The following CAMK2B variants were observed in gnomAD, a reference collection of about 807,000 sequenced individuals.
CAMK2B encodes the protein calcium/calmodulin-dependent protein kinase type II subunit beta.
CAMK2B carries 27 observed loss-of-function variants against 93.7 expected under a neutral mutation model. The ratio of observed to expected loss-of-function variants is 0.29; its 90% CI spans 0.21 to 0.40. The LOEUF is 0.40. Among genes scored for constraint, CAMK2B ranks in the 10% least tolerant of loss-of-function variants. The pLI, the probability that CAMK2B is intolerant of heterozygous loss-of-function variation, is 1.00. For missense variants in CAMK2B, 568 were observed against 895.8 expected (o/e 0.63, Z 4.67); for synonymous variants, 374 against 358.8 (o/e 1.04, Z -0.48).
rs534460303 is a variant in CAMK2B at position 44,261,356 on chromosome 7, GCC to G, written c.220+1647_220+1648del. ...TGGTCCCAGGGGCCATGGAGGAGAT[GCC>G]CCCCGCAGAACCCCCATGGGCAGCT... On this transcript the variant is annotated intron_variant, in intron 3 of 23. Transcript: ENST00000395749. Among the ~76,000 whole-genome samples, 185 of 152,360 alleles carry G rather than the reference GCC, an allele frequency of 1.2e-3. 1 individual carries two copies. The highest frequency in any genetic ancestry group is 4.4e-3 in the African/African-American group (182 of 41,588).
intron 1 of CAMK2B, among the ~76,000 whole-genome samples, chr7:44,299,078 CA>C (rs1274537274): frequency 6.6e-6 from 1 of 152,130 alleles, no homozygotes; most frequent in Non-Finnish European, 1.5e-5. Flanking sequence ...GGGACTCAAA[CA>C]GATACTTGTA....
At chr7:44,303,724 T>A (rs1220794133) in intron 1 of CAMK2B, among the ~76,000 whole-genome samples, 1 of 152,180 alleles carries the variant, frequency 6.6e-6, no homozygotes, top group Non-Finnish European at 1.5e-5. Context: ...AAAAGCACAA[T>A]TCATGAAAGA....
At chr7:44,287,533 C>G (rs1275706509) in intron 1 of CAMK2B, among the ~76,000 whole-genome samples, 3 of 152,168 alleles carry the variant, frequency 2.0e-5, no homozygotes, top group Non-Finnish European at 4.4e-5. Flanking sequence ...AGTGTCAGCC[C>G]TCTTGAGAAG....
intron 2 of CAMK2B, among the ~76,000 whole-genome samples, chr7:44,276,731 G>A (rs1432015394): frequency 1.3e-5 from 2 of 152,196 alleles, no homozygotes; most frequent in East Asian, 3.9e-4. Context: ...TGGGAGGTGA[G>A]CCCCACTTGT....
At chr7:44,319,949 T>C (rs1257936665) in intron 1 of CAMK2B, among the ~76,000 whole-genome samples, 4 of 152,128 alleles carry the variant, frequency 2.6e-5, no homozygotes, top group Admixed American at 2.0e-4. Context: ...TAGATGTGTA[T>C]ATATGTACAC....
intron 4 of CAMK2B, among the ~76,000 whole-genome samples, chr7:44,255,479 C>T (rs1198203780): frequency 5.3e-5 from 8 of 152,162 alleles, no homozygotes; most frequent in Admixed American, 3.3e-4. Flanking sequence ...GAAGCTGTCA[C>T]CCCTGAGAAG....
At chr7:44,272,885 C>T (rs1180490629) in intron 2 of CAMK2B, among the ~76,000 whole-genome samples, 1 of 152,240 alleles carries the variant, frequency 6.6e-6, no homozygotes, top group Non-Finnish European at 1.5e-5. Flanking sequence ...TGCAGCTCAG[C>T]TTTGAAACGG....
At position 44,287,244 on chromosome 7, in the gene CAMK2B, C is replaced by T. The variant is rs534414372; in HGVS notation, c.66-3019G>A. On this transcript the variant is annotated intron_variant, in intron 1 of 23. Coordinates refer to ENST00000395749, the MANE Select transcript of CAMK2B (RefSeq NM_001220.5). Reference sequence around the variant, plus strand: ...AACCTTCTCTGAGTCCCAATGTCATCGCCGCCCCCCAATTTTCTCCCTCTC... The same window carrying T: ...AACCTTCTCTGAGTCCCAATGTCATTGCCGCCCCCCAATTTTCTCCCTCTC... Among the ~76,000 whole-genome samples, 10 of 152,196 alleles carry T rather than the reference C, an allele frequency of 6.6e-5. No individual in the cohort carries two copies. In the East Asian group the frequency reaches 9.7e-4, roughly 15 times the overall value.
At chr7:44,229,530 T>C (rs1034117496) in intron 17 of CAMK2B, 29 bp from the exon 18 acceptor site, 2 of 1,107,230 alleles carry the variant, frequency 1.8e-6, no homozygotes, top group Non-Finnish European at 2.4e-6. Context: ...GGCAGGCAGG[T>C]GGGTGGTGCG....
intron 18 of CAMK2B, 164 bp downstream of exon 18, chr7:44,229,224 C>T (rs572277940): frequency 1.5e-5 from 9 of 610,426 alleles, no homozygotes; most frequent in South Asian, 1.3e-4. Flanking sequence ...AGGTGGGGCT[C>T]GATGGGCTGG....
chr7:44,262,286 C>T (rs2096885047), intron 3 of CAMK2B, among the ~76,000 whole-genome samples: 1 of 152,184 alleles, frequency 6.6e-6, no homozygotes, highest in Non-Finnish European at 1.5e-5. Context: ...CTGACAGCTC[C>T]CCAGGTGCCT....
At chr7:44,229,915 A>T in intron 17 of CAMK2B, 1 of 159,018 alleles carries the variant, frequency 6.3e-6, no homozygotes, top group Non-Finnish European at 1.4e-5. Flanking sequence ...TACCAGCCTC[A>T]GGGCAGGCTG....
chr7:44,240,626 G>T, intron 12 of CAMK2B, 81 bp downstream of exon 12: 1 of 1,467,800 alleles, frequency 6.8e-7, no homozygotes, highest in Non-Finnish European at 9.5e-7. Flanking sequence ...GAGTGGAGAG[G>T]CTGGTGAGGA....
chr7:44,245,605 C>T (rs1344402633), intron 6 of CAMK2B, among the ~76,000 whole-genome samples: 3 of 152,150 alleles, frequency 2.0e-5, no homozygotes, highest in Non-Finnish European at 4.4e-5. Flanking sequence ...GAGGGGAGCA[C>T]CTGGGGGCCC....
chr7:44,270,410 C>T (rs899481837), intron 2 of CAMK2B, among the ~76,000 whole-genome samples: 2 of 152,176 alleles, frequency 1.3e-5, no homozygotes, highest in Non-Finnish European at 2.9e-5. Flanking sequence ...CAGGCTAATC[C>T]ACAGACCAAC....
rs573233064 is a variant in CAMK2B, at chr7:44,251,492, G to A, written c.341+3050C>T. On this transcript the variant is annotated intron_variant, in intron 5 of 23. Transcript: ENST00000395749. The stretch of plus-strand genomic sequence containing the variant: ...GAAGCCCGAGGAGGGGCCCCATGCT[G>A]AGGCTGTCGCACCAGCAGGGCCAAC... Among the ~76,000 whole-genome samples, 7 of 152,336 alleles carry A rather than the reference G, an allele frequency of 4.6e-5. No individual in the cohort carries two copies. In the East Asian group the frequency reaches 1.4e-3, roughly 29 times the overall value.
At chr7:44,232,787 C>G (rs776657167) in intron 16 of CAMK2B, 35 bp downstream of exon 16, 1 of 1,608,118 alleles carries the variant, frequency 6.2e-7, no homozygotes, top group East Asian at 2.2e-5. Flanking sequence ...AGCCTCCTGC[C>G]TGGGGAAAGC....
At chr7:44,285,707 GGGCGGCCA>G in intron 1 of CAMK2B, among the ~76,000 whole-genome samples, 2 of 151,832 alleles carry the variant, frequency 1.3e-5, no homozygotes, top group South Asian at 4.2e-4. Flanking sequence ...CACTGTGCTT[GGGCGGCCA>G]CTGAGCTGCG....
chr7:44,321,007 G>C (rs1003070500), intron 1 of CAMK2B, among the ~76,000 whole-genome samples: 2 of 152,210 alleles, frequency 1.3e-5, no homozygotes, highest in Non-Finnish European at 2.9e-5. Context: ...ATCTGGGAGA[G>C]CCTGCTGAGC....
Sources: gnomAD v4.1 joint callset for allele counts (sites outside exome capture counted in the v4.1 genomes callset) on GRCh38, gnomAD v4.1.1 for gene constraint, MANE v1.5 for transcripts, NCBI Gene and HGNC (gene_info 2026-07-23, HGNC 2026-07-21) for gene names.